PAPPA: variants seen among roughly 807,000 people sequenced by gnomAD.
The protein encoded by PAPPA is pappalysin 1, also known as pappalysin-1.
A neutral mutation model predicts 164.0 loss-of-function variants in PAPPA; 60 were observed. That is an observed-to-expected ratio of 0.37 (90% CI 0.30 to 0.45). The LOEUF (loss-of-function observed/expected upper bound fraction) is 0.45. Among genes scored for constraint, PAPPA ranks in the 20% least tolerant of loss-of-function variants. The pLI, the probability that PAPPA is intolerant of heterozygous loss-of-function variation, is 1.00. For synonymous variants in PAPPA, 875 were observed against 814.1 expected (o/e 1.07, Z -1.27); for missense variants, 1,782 against 2,087.3 (o/e 0.85, Z 2.85).
At chr9:116,170,737 C>G (rs556896262) in intron 1 of PAPPA, among the ~76,000 whole-genome samples, 33 of 151,880 alleles carry the variant, frequency 2.2e-4, no homozygotes, top group Non-Finnish European at 4.0e-4. Flanking sequence ...TGCTATCCAT[C>G]CATCTATCCA....
At chr9:116,188,310 G>A in intron 2 of PAPPA, 94 bp downstream of exon 2, 2 of 911,212 alleles carry the variant, frequency 2.2e-6, no homozygotes, top group Non-Finnish European at 3.3e-6. Context: ...TGGGTGATAT[G>A]GGGATTTTCT....
At chr9:116,287,572 C>T (rs937155778) in intron 9 of PAPPA, 11 of 152,208 alleles carry the variant, frequency 7.2e-5, no homozygotes, top group African/African-American at 2.7e-4. Context: ...TACACCTTGT[C>T]AATCATCATC....
intron 18 of PAPPA, among the ~76,000 whole-genome samples, chr9:116,363,680 G>GCAAT (rs1477014776): frequency 6.6e-6 from 1 of 152,224 alleles, no homozygotes; most frequent in Non-Finnish European, 1.5e-5. Context: ...GATTTATAGA[G>GCAAT]CAATCACCAG....
intron 7 of PAPPA, among the ~76,000 whole-genome samples, chr9:116,259,275 G>A (rs890264740): frequency 6.6e-6 from 1 of 151,894 alleles, no homozygotes; most frequent in African/African-American, 2.4e-5. Context: ...TTAAAGGAAT[G>A]TTTATTCAAC....
chr9:116,254,730 C>T (rs532547688), intron 7 of PAPPA, among the ~76,000 whole-genome samples: 2 of 137,312 alleles, frequency 1.5e-5, no homozygotes, highest in East Asian at 4.4e-4. Context: ...TGCAGTGAGC[C>T]AAGACTGCAC....
chr9:116,326,889 AT>A (rs1845927059), intron 10 of PAPPA, among the ~76,000 whole-genome samples: 1 of 152,238 alleles, frequency 6.6e-6, no homozygotes, highest in African/African-American at 2.4e-5. Flanking sequence ...CTCAAAGTTC[AT>A]TCCTCTTATT....
intron 10 of PAPPA, among the ~76,000 whole-genome samples, chr9:116,310,037 T>C (rs1845696210): frequency 6.6e-6 from 1 of 152,206 alleles, no homozygotes; most frequent in African/African-American, 2.4e-5. Context: ...TATACCAGGA[T>C]ACTGGTATTG....
At chr9:116,182,615 AG>A (rs1843920273) in intron 1 of PAPPA, among the ~76,000 whole-genome samples, 1 of 152,208 alleles carries the variant, frequency 6.6e-6, no homozygotes, top group Non-Finnish European at 1.5e-5. Flanking sequence ...GCCTTAGCCA[AG>A]GTTCTGAGAG....
chr9:116,245,460 G>C (rs766810431), intron 7 of PAPPA, among the ~76,000 whole-genome samples: 8 of 152,108 alleles, frequency 5.3e-5, no homozygotes, highest in Non-Finnish European at 1.0e-4. Flanking sequence ...GGAAGGGTGA[G>C]TGAATCCATT....
chr9:116,178,167 C>T (rs1354772800), intron 1 of PAPPA, among the ~76,000 whole-genome samples: 5 of 152,190 alleles, frequency 3.3e-5, no homozygotes, highest in African/African-American at 4.8e-5. Context: ...AATGCAGTGG[C>T]GCGATCTCGG....
intron 21 of PAPPA, among the ~76,000 whole-genome samples, chr9:116,392,241 G>C (rs1426884065): frequency 1.3e-5 from 2 of 152,206 alleles, no homozygotes; most frequent in Non-Finnish European, 2.9e-5. Context: ...GCCTTTTCAG[G>C]TTGTGAAGAA....
chr9:116,209,510 T>C (rs975159864), intron 3 of PAPPA, among the ~76,000 whole-genome samples: 1 of 152,154 alleles, frequency 6.6e-6, no homozygotes, highest in African/African-American at 2.4e-5. Context: ...ATTCCATAAA[T>C]TTCAGAGTCT....
intron 1 of PAPPA, among the ~76,000 whole-genome samples, chr9:116,172,337 A>G (rs1843784074): frequency 6.6e-6 from 1 of 152,154 alleles, no homozygotes; most frequent in East Asian, 1.9e-4. Flanking sequence ...AGCATTGTTT[A>G]CTACTGTAAC....
chr9:116,332,367 T>C lies in PAPPA; in HGVS notation c.3296T>C (p.Val1099Ala), dbSNP rs749066265. Residue 1099 changes from valine (V) to alanine (A), a missense_variant, in exon 12 of 22, where the codon GTC (valine) becomes GCC (alanine). Val to Ala is a moderately conservative substitution (Grantham distance 64, BLOSUM62 0). Transcript: ENST00000328252. ...YFSQPMVAAA[V>A]IVHLVTDGTY... ...TCTCAACCAATGGTTGCCGCAGCTG[T>C]CATTGTCCACCTGGTGACGGATGGG... 1.6e-5 allele frequency: 26 copies of C among 1,613,788 alleles called. No individual in the cohort carries two copies. In the African/African-American group the frequency reaches 3.5e-4, roughly 22 times the overall value.
chr9:116,279,658 G>A (rs1162286764), intron 9 of PAPPA, among the ~76,000 whole-genome samples: 2 of 152,184 alleles, frequency 1.3e-5, no homozygotes, highest in African/African-American at 4.8e-5. Flanking sequence ...CAGAGTCCAA[G>A]GCAGGTGAAT....
At chr9:116,337,614 C>T (rs916307073) in intron 13 of PAPPA, among the ~76,000 whole-genome samples, 3 of 152,038 alleles carry the variant, frequency 2.0e-5, no homozygotes, top group African/African-American at 7.2e-5. Flanking sequence ...CTTCTCTCCT[C>T]CCTCCACAAC....
At chr9:116,176,572 C>A (rs1046053384) in intron 1 of PAPPA, among the ~76,000 whole-genome samples, 12 of 152,096 alleles carry the variant, frequency 7.9e-5, no homozygotes, top group Non-Finnish European at 1.8e-4. Flanking sequence ...TCCATGGTAG[C>A]AGAGTTGATA....
At position 116,271,545 on chromosome 9, in the gene PAPPA, A is replaced by G. The variant is rs1203688230; in HGVS notation, c.2953+129A>G. 2.8e-6 allele frequency: 2 copies of G among 703,182 alleles called. No homozygotes were observed. The highest frequency in any genetic ancestry group is 5.0e-6 in the Non-Finnish European group (2 of 399,276). The allele number at this position is 703,182 out of a possible 1,614,324, so 43.6% of individuals were successfully genotyped here. A position where few individuals can be genotyped will look rare whatever the true frequency, so the allele number is the denominator to read the frequency against. On this transcript the variant is annotated intron_variant, in intron 9 of 21. Transcript: ENST00000328252. This position sits in a 1 kb window ranked among gnomAD's most constrained non-coding sequence, Gnocchi z 4.2. ...TCCTTTGTATTACACCTGTTTATTGAGTGCCTCCTACATGCCAGGCACTGT... is the reference window on the plus strand; with the variant it reads ...TCCTTTGTATTACACCTGTTTATTGGGTGCCTCCTACATGCCAGGCACTGT...
At position 116,236,290 on chromosome 9, in the gene PAPPA, CA is replaced by C. The variant is rs933847364; in HGVS notation, c.2732+654del. On this transcript the variant is annotated intron_variant, in intron 7 of 21. Transcript: ENST00000328252. ...CTTATGTGAAGTAGTACTTGTCTTT[CA>C]TACTCACTTCCCGGCCAGGGAGGTG... 5.9e-4 allele frequency among the ~76,000 whole-genome samples: 89 copies of C among 152,104 alleles called. 1 individual carries two copies. The highest frequency in any genetic ancestry group is 2.1e-3 in the African/African-American group (87 of 41,522).
Sources: allele counts gnomAD v4.1 joint callset (sites outside exome capture counted in the v4.1 genomes callset), GRCh38; gene constraint gnomAD v4.1.1; non-coding constraint Gnocchi (gnomAD v3.1); transcripts MANE v1.5; gene names NCBI Gene and HGNC (gene_info 2026-07-23, HGNC 2026-07-21).